The following KLHL29 variants were observed in gnomAD, a reference collection of about 807,000 sequenced individuals.
The protein encoded by KLHL29 is kelch like family member 29, also known as kelch-like protein 29.
Under a neutral mutation model 80.4 loss-of-function variants are expected in KLHL29, and 21 were observed. The observed-to-expected ratio is 0.26, with a 90% CI of 0.19 to 0.38. The LOEUF (loss-of-function observed/expected upper bound fraction) is 0.38. Among genes scored for constraint, KLHL29 ranks in the 10% least tolerant of loss-of-function variants. The pLI is 1.00. For missense variants in KLHL29, 867 were observed against 1,223.9 expected, an observed-to-expected ratio of 0.71 and a Z score of 4.35; for synonymous variants, 511 against 526.8, an observed-to-expected ratio of 0.97 and a Z score of 0.41.
chr2:23,395,548 C>T (rs773940131), intron 1 of KLHL29, among the ~76,000 whole-genome samples: 5 of 152,116 alleles, frequency 3.3e-5, no homozygotes, highest in Admixed American at 6.6e-5. Context: ...AGTTTGAGAC[C>T]AGCCTCATCA....
chr2:23,553,834 G>A (rs1187164310), intron 2 of KLHL29, among the ~76,000 whole-genome samples: 1 of 152,214 alleles, frequency 6.6e-6, no homozygotes, highest in Admixed American at 6.5e-5. Flanking sequence ...TCCAGTGGAG[G>A]AAACGAAGGG....
chr2:23,564,615 G>A lies in KLHL29; in HGVS notation c.285+2134G>A, dbSNP rs77080115. 1.9e-4 allele frequency among the ~76,000 whole-genome samples: 29 copies of A among 152,316 alleles called. No individual in the cohort carries two copies. In the East Asian group the frequency reaches 5.6e-3, roughly 29 times the overall value. On this transcript the variant is annotated intron_variant, in intron 3 of 13. Coordinates refer to ENST00000486442, the MANE Select transcript of KLHL29 (RefSeq NM_052920.2). The stretch of plus-strand genomic sequence containing the variant: ...CAGATTTGGGCCACAGTGCCTTCCC[G>A]CCGTTCTAGCCTGGCTCCTGCCCAC...
chr2:23,589,965 C>T (rs1668215382), intron 3 of KLHL29, among the ~76,000 whole-genome samples: 1 of 152,250 alleles, frequency 6.6e-6, no homozygotes, highest in Non-Finnish European at 1.5e-5. Context: ...CAAAGGCATG[C>T]AGCTGGCATC....
At chr2:23,699,085 C>T (rs972273586) in intron 11 of KLHL29, among the ~76,000 whole-genome samples, 4 of 152,160 alleles carry the variant, frequency 2.6e-5, no homozygotes, top group East Asian at 1.9e-4. Flanking sequence ...GAATCTGCCC[C>T]GCTGCTGCCC....
chr2:23,550,740 A>C (rs1217165243), intron 2 of KLHL29, among the ~76,000 whole-genome samples: 1 of 152,246 alleles, frequency 6.6e-6, no homozygotes. Context: ...AGAAGGCATC[A>C]GTCTTTCTTC....
At chr2:23,494,854 A>G (rs1446021611) in intron 2 of KLHL29, among the ~76,000 whole-genome samples, 1 of 152,062 alleles carries the variant, frequency 6.6e-6, no homozygotes, top group Non-Finnish European at 1.5e-5. Flanking sequence ...AGTTGCCATC[A>G]GCGTATCTGT....
At chr2:23,538,383 C>G (rs1666741238) in intron 2 of KLHL29, among the ~76,000 whole-genome samples, 1 of 152,196 alleles carries the variant, frequency 6.6e-6, no homozygotes. Flanking sequence ...ATTCTCCCTC[C>G]TATCTGTTTG....
At position 23,573,759 on chromosome 2, in the gene KLHL29, G is replaced by T. The variant is rs375794416; in HGVS notation, c.285+11278G>T. On this transcript the variant is annotated intron_variant, in intron 3 of 13. Transcript: ENST00000486442. ...GACCGTTTTTCCTTAACAGCCAGGTGGGGTGGTACAGATAGCACTCCGGTG... is the reference window on the plus strand; with the variant it reads ...GACCGTTTTTCCTTAACAGCCAGGTTGGGTGGTACAGATAGCACTCCGGTG... Among the ~76,000 whole-genome samples the T allele has an allele frequency of 3.9e-5, 6 of 152,326 alleles. No homozygotes were observed. The South Asian group carries it at 1.2e-3, about 32-fold the overall frequency.
At position 23,503,214 on chromosome 2, in the gene KLHL29, T is replaced by C. The variant is rs943524795; in HGVS notation, c.-46+27547T>C. ...AGGCTGCTGTCCTGTGAAGTAGACCTGGCAGGGGATGGCTGCTCCGGGCTG... is the reference window on the plus strand; with the variant it reads ...AGGCTGCTGTCCTGTGAAGTAGACCCGGCAGGGGATGGCTGCTCCGGGCTG... On this transcript the variant is annotated intron_variant, in intron 2 of 13. Transcript: ENST00000486442. This position sits in a 1 kb window ranked among gnomAD's most constrained non-coding sequence, Gnocchi z 4.0. Among the ~76,000 whole-genome samples, 3 of 152,168 alleles carry C rather than the reference T, an allele frequency of 2.0e-5. No homozygotes were observed. Among genetic ancestry groups the C allele is most frequent in the Non-Finnish European group, 4.4e-5 (3 of 68,036 alleles).
intron 1 of KLHL29, among the ~76,000 whole-genome samples, chr2:23,418,581 A>G (rs541507516): frequency 1.3e-5 from 2 of 152,190 alleles, no homozygotes; most frequent in Non-Finnish European, 2.9e-5. Context: ...ACTGTTGCTG[A>G]CACAGGAATT....
chr2:23,501,706 C>T (rs1406085221), intron 2 of KLHL29, among the ~76,000 whole-genome samples: 1 of 152,170 alleles, frequency 6.6e-6, no homozygotes, highest in Non-Finnish European at 1.5e-5. Context: ...TTACCACTGA[C>T]AGCCTATAGG....
intron 2 of KLHL29, among the ~76,000 whole-genome samples, chr2:23,487,697 G>T (rs939021131): frequency 2.6e-5 from 4 of 152,306 alleles, no homozygotes; most frequent in African/African-American, 9.6e-5. Context: ...TTTTTCTCCT[G>T]GGTAGGGGCA....
chr2:23,407,403 G>A (rs1666761701), intron 1 of KLHL29, among the ~76,000 whole-genome samples: 1 of 151,826 alleles, frequency 6.6e-6, no homozygotes. Flanking sequence ...CAGTGGGTTG[G>A]AGCATTTGTT....
chr2:23,470,345 A>T (rs189563127), intron 1 of KLHL29, among the ~76,000 whole-genome samples: 406 of 152,284 alleles, frequency 2.7e-3, no homozygotes, highest in Non-Finnish European at 5.1e-3. Context: ...TTTCACGAGG[A>T]GAAGGGTGAC....
intron 1 of KLHL29, among the ~76,000 whole-genome samples, chr2:23,398,878 G>A (rs1272368628): frequency 2.0e-5 from 3 of 151,020 alleles, no homozygotes; most frequent in Non-Finnish European, 4.4e-5. Flanking sequence ...TTGATGATGA[G>A]AACTTCATCC....
chr2:23,466,891 G>A (rs1028690430), intron 1 of KLHL29, among the ~76,000 whole-genome samples: 35 of 152,158 alleles, frequency 2.3e-4, no homozygotes, highest in African/African-American at 7.2e-4. Flanking sequence ...GACCTTTCTG[G>A]GGGACTTTCC....
At chr2:23,609,402 A>G (rs1009647710) in intron 3 of KLHL29, among the ~76,000 whole-genome samples, 6 of 152,108 alleles carry the variant, frequency 3.9e-5, no homozygotes, top group Admixed American at 6.6e-5. Flanking sequence ...GAGCCCTTTC[A>G]CTGGAGAAGG....
intron 2 of KLHL29, among the ~76,000 whole-genome samples, chr2:23,555,717 A>T (rs1260119335): frequency 1.3e-5 from 2 of 152,218 alleles, no homozygotes; most frequent in Non-Finnish European, 2.9e-5. Flanking sequence ...TGGCAGGAAT[A>T]CACCCTTCAC....
intron 1 of KLHL29, among the ~76,000 whole-genome samples, chr2:23,460,856 C>G (rs1664189166): frequency 1.3e-5 from 2 of 152,058 alleles, no homozygotes; most frequent in South Asian, 4.2e-4. Context: ...CAGGAGCTTC[C>G]CGTGAAGGGA....
Sources: gnomAD v4.1 joint callset for allele counts (sites outside exome capture counted in the v4.1 genomes callset) on GRCh38, gnomAD v4.1.1 for gene constraint, Gnocchi (gnomAD v3.1) non-coding constraint, MANE v1.5 for transcripts, NCBI Gene and HGNC (gene_info 2026-07-23, HGNC 2026-07-21) for gene names.